PRKCA: variants seen among roughly 807,000 people sequenced by gnomAD.
PRKCA encodes protein kinase C alpha, also known as protein kinase C alpha type.
In PRKCA, 27 loss-of-function variants were observed where a neutral mutation model predicts 87.0. The observed-to-expected ratio is 0.31, with a 90% CI of 0.23 to 0.43. PRKCA has a LOEUF of 0.43. PRKCA is among the 20% of genes least tolerant of loss of function. The pLI is 1.00. For missense variants in PRKCA, 518 were observed against 852.3 expected, an observed-to-expected ratio of 0.61 and a Z score of 4.88; for synonymous variants, 329 against 311.1, an observed-to-expected ratio of 1.06 and a Z score of -0.61.
At chr17:66,623,214 A>C (rs1480770305) in intron 3 of PRKCA, among the ~76,000 whole-genome samples, 1 of 152,252 alleles carries the variant, frequency 6.6e-6, no homozygotes, top group African/African-American at 2.4e-5. Flanking sequence ...AATTTTCCTC[A>C]GTGGATAACA....
intron 2 of PRKCA, among the ~76,000 whole-genome samples, chr17:66,391,849 A>G (rs1429365455): frequency 6.6e-6 from 1 of 152,122 alleles, no homozygotes; most frequent in Non-Finnish European, 1.5e-5. Context: ...ATGTGCACAG[A>G]CACAGCCTCC....
At chr17:66,469,763 T>C (rs1915242259) in intron 2 of PRKCA, among the ~76,000 whole-genome samples, 2 of 152,160 alleles carry the variant, frequency 1.3e-5, no homozygotes, top group Admixed American at 6.5e-5. Context: ...GCGAACACAA[T>C]CAATTGGGTT....
intron 2 of PRKCA, among the ~76,000 whole-genome samples, chr17:66,345,458 A>G (rs1283848163): frequency 6.6e-6 from 1 of 152,196 alleles, no homozygotes; most frequent in Non-Finnish European, 1.5e-5. Flanking sequence ...AATTAGTTTT[A>G]TAAGGAAATC....
intron 2 of PRKCA, among the ~76,000 whole-genome samples, chr17:66,454,070 A>G (rs1914466036): frequency 6.6e-6 from 1 of 152,226 alleles, no homozygotes; most frequent in Non-Finnish European, 1.5e-5. Context: ...CTCATGCCCT[A>G]GTTTCATGTT....
At chr17:66,611,442 A>G (rs1236714733) in intron 3 of PRKCA, among the ~76,000 whole-genome samples, 1 of 152,224 alleles carries the variant, frequency 6.6e-6, no homozygotes, top group Non-Finnish European at 1.5e-5. Flanking sequence ...GGAATAATAC[A>G]GTAAATGGCC....
At chr17:66,512,444 C>A (rs889947684) in intron 3 of PRKCA, among the ~76,000 whole-genome samples, 66 of 148,848 alleles carry the variant, frequency 4.4e-4, no homozygotes, top group African/African-American at 1.6e-3. Context: ...CTGTCTCCAA[C>A]AACAACAAAA....
intron 16 of PRKCA, among the ~76,000 whole-genome samples, chr17:66,797,726 G>T (rs1975701506): frequency 1.3e-5 from 2 of 152,304 alleles, no homozygotes; most frequent in African/African-American, 2.4e-5. Context: ...TTTCCCTTGG[G>T]TGCCGACATC....
chr17:66,337,475 G>A (rs1378447901), intron 2 of PRKCA, among the ~76,000 whole-genome samples: 3 of 152,032 alleles, frequency 2.0e-5, no homozygotes, highest in South Asian at 2.1e-4. Flanking sequence ...CCACAGCCTC[G>A]ACCTCTCAGG....
In PRKCA at chr17:66,675,351, C is replaced by T. The variant is rs987066952; in HGVS notation, c.530-11760C>T. 5.9e-5 allele frequency among the ~76,000 whole-genome samples: 9 copies of T among 152,150 alleles called. No homozygotes were observed. In the South Asian group the frequency reaches 8.3e-4, roughly 14 times the overall value. On this transcript the variant is annotated intron_variant, in intron 5 of 16. Coordinates refer to ENST00000413366, the MANE Select transcript of PRKCA (RefSeq NM_002737.3). ...CAAAGGCCCCTCCTCTTAATGTCAT[C>T]GCCTTGGGGGTTAGGATTTCAAACA...
intron 5 of PRKCA, among the ~76,000 whole-genome samples, chr17:66,668,395 C>T (rs942505639): frequency 3.3e-5 from 5 of 152,272 alleles, no homozygotes; most frequent in Middle Eastern, 3.4e-3. Flanking sequence ...TAACTTTAAA[C>T]GGACTTCACA....
intron 8 of PRKCA, among the ~76,000 whole-genome samples, chr17:66,706,410 C>T (rs551347233): frequency 2.0e-5 from 3 of 151,340 alleles, no homozygotes; most frequent in African/African-American, 7.3e-5. Context: ...CCGAGGCAGG[C>T]AGATCGCAAG....
intron 5 of PRKCA, among the ~76,000 whole-genome samples, chr17:66,647,568 T>G (rs1295011991): frequency 6.6e-6 from 1 of 152,186 alleles, no homozygotes; most frequent in Non-Finnish European, 1.5e-5. Context: ...GCCGGAACCT[T>G]CCAGTATCTC....
chr17:66,433,140 G>A (rs1913184315), intron 2 of PRKCA, among the ~76,000 whole-genome samples: 1 of 152,046 alleles, frequency 6.6e-6, no homozygotes, highest in South Asian at 2.1e-4. Context: ...TTTTTTAAAA[G>A]CAAGAACTCT....
At chr17:66,706,286 G>T (rs1973190379) in intron 8 of PRKCA, among the ~76,000 whole-genome samples, 1 of 152,032 alleles carries the variant, frequency 6.6e-6, no homozygotes, top group African/African-American at 2.4e-5. Context: ...GAAGGGATCA[G>T]TGAACTGTGA....
chr17:66,424,568 AACACAC>A (rs141074503), intron 2 of PRKCA, among the ~76,000 whole-genome samples: 3 of 141,950 alleles, frequency 2.1e-5, no homozygotes, highest in African/African-American at 5.3e-5. Flanking sequence ...CCCTGTCTCA[AACACAC>A]ACACACACAC....
Position 66,546,344 on chromosome 17 carries a change from A to G in PRKCA, c.288+50061A>G, listed in dbSNP as rs536887703. On this transcript the variant is annotated intron_variant, in intron 3 of 16. Coordinates refer to ENST00000413366, the MANE Select transcript of PRKCA (RefSeq NM_002737.3). ...AGCTGTATTAGTTTCTAAGGCTGCC[A>G]TAACAGATTAACATAGAGTGTCTCA... Among the ~76,000 whole-genome samples, 10 of 152,334 alleles carry G rather than the reference A, an allele frequency of 6.6e-5. No individual in the cohort carries two copies. In the South Asian group the frequency reaches 1.0e-3, roughly 16 times the overall value.
intron 3 of PRKCA, among the ~76,000 whole-genome samples, chr17:66,536,222 A>T: frequency 6.6e-6 from 1 of 152,232 alleles, no homozygotes; most frequent in East Asian, 1.9e-4. Flanking sequence ...TGTAAGAAAT[A>T]TGAGTTATTT....
chr17:66,526,409 T>G (rs969209402), intron 3 of PRKCA, among the ~76,000 whole-genome samples: 1 of 152,336 alleles, frequency 6.6e-6, no homozygotes, highest in East Asian at 1.9e-4. Context: ...GCATGTCACC[T>G]GAGGGTTGGC....
chr17:66,429,323 A>G (rs1912980910), intron 2 of PRKCA, among the ~76,000 whole-genome samples: 1 of 152,222 alleles, frequency 6.6e-6, no homozygotes, highest in Non-Finnish European at 1.5e-5. Flanking sequence ...GTTGGGTTTC[A>G]TGAACGTAAT....
Sources: gnomAD v4.1 joint callset for allele counts (sites outside exome capture counted in the v4.1 genomes callset) on GRCh38, gnomAD v4.1.1 for gene constraint, MANE v1.5 for transcripts, NCBI Gene and HGNC (gene_info 2026-07-23, HGNC 2026-07-21) for gene names.